Variants in UGGT2 observed in about 807,000 individuals in gnomAD.
The protein encoded by UGGT2 is UDP-glucose:glycoprotein glucosyltransferase 2.
In UGGT2, 180 loss-of-function variants were observed where a neutral mutation model predicts 192.1. The ratio of observed to expected loss-of-function variants is 0.94; its 90% confidence interval spans 0.83 to 1.06. The LOEUF is 1.06. UGGT2 is among the 50% of genes least tolerant of loss of function. UGGT2 has a pLI of 0.00. For synonymous variants in UGGT2, 580 were observed against 591.0 expected, an observed-to-expected ratio of 0.98 and a Z score of 0.27; for missense variants, 1,849 against 1,795.7, an observed-to-expected ratio of 1.03 and a Z score of -0.54.
At chr13:95,855,470 A>G (rs1200147100) in intron 34 of UGGT2, among the ~76,000 whole-genome samples, 1 of 150,746 alleles carries the variant, frequency 6.6e-6, no homozygotes, top group South Asian at 2.1e-4. Context: ...TTGGACATAT[A>G]AATTTTGAAA....
intron 33 of UGGT2, 56 bp from the exon 34 acceptor site, chr13:95,856,396 T>C (rs1161231494): frequency 9.0e-6 from 14 of 1,557,430 alleles, no homozygotes; most frequent in East Asian, 2.3e-5. Context: ...AGTTTTGTTT[T>C]AGAGAAAAAA....
intron 37 of UGGT2, among the ~76,000 whole-genome samples, chr13:95,833,652 A>G (rs1220153965): frequency 6.6e-6 from 1 of 152,216 alleles, no homozygotes; most frequent in Non-Finnish European, 1.5e-5. Context: ...TAGAAGGTTG[A>G]TAAGAGTCTG....
intron 15 of UGGT2, among the ~76,000 whole-genome samples, chr13:95,942,221 GGTGTGTGTGTGTGTGTGTGTGT>G (rs370041064): frequency 1.0e-4 from 12 of 118,084 alleles, no homozygotes; most frequent in Admixed American, 4.8e-4. Flanking sequence ...TTAGGGTGAG[GGTGTGTGTGTGTGTGTGTGTGT>G]GTGTGTGTGT....
rs1331088372 is a variant in UGGT2, at chr13:95,801,730, T to TC, written c.*59dup. 2 of 1,588,928 alleles carry TC rather than the reference T, an allele frequency of 1.3e-6. No individual in the cohort carries two copies. Among genetic ancestry groups the TC allele is most frequent in the African/African-American group, 2.7e-5 (2 of 73,966 alleles). ...ATCGTCTCAGCAGGGGCTCCAGACT[T>TC]CCCCAGCAGGCGGCAGGTTTCCTGT... is the stretch of plus-strand genomic sequence containing the variant. On this transcript the variant is annotated 3_prime_UTR_variant, in exon 39 of 39. Coordinates refer to ENST00000376747, the MANE Select transcript of UGGT2 (RefSeq NM_020121.4).
chr13:95,993,476 T>TA (rs904217712), intron 7 of UGGT2, among the ~76,000 whole-genome samples: 79 of 152,282 alleles, frequency 5.2e-4, no homozygotes, highest in African/African-American at 1.9e-3. Context: ...TTTAATCCCA[T>TA]AAAAAGTTAT....
intron 12 of UGGT2, among the ~76,000 whole-genome samples, chr13:95,951,893 A>C (rs973127966): frequency 2.9e-4 from 44 of 151,950 alleles, no homozygotes; most frequent in Non-Finnish European, 5.9e-5. Context: ...CCCCATCTCT[A>C]CTAAAAATAC....
At position 95,987,240 on chromosome 13, in the gene UGGT2, T is replaced by C. The variant is rs569461221; in HGVS notation, c.932-808A>G. Among the ~76,000 whole-genome samples, 15 of 152,284 alleles carry C rather than the reference T, an allele frequency of 9.9e-5. No homozygotes were observed. In the South Asian group the frequency reaches 2.9e-3, roughly 29 times the overall value. On this transcript the variant is annotated intron_variant, in intron 8 of 38. Transcript: ENST00000376747. The stretch of plus-strand genomic sequence containing the variant: ...GCTTACATGTTTTATATATTCTCTC[T>C]ACTCAGGCTCAAGCTAGAAATCCTA...
At chr13:95,951,704 G>A (rs1659130313) in intron 12 of UGGT2, among the ~76,000 whole-genome samples, 1 of 152,198 alleles carries the variant, frequency 6.6e-6, no homozygotes, top group Admixed American at 6.5e-5. Context: ...ACATGGCCAT[G>A]ACATTTGAGC....
chr13:96,013,349 A>T lies in UGGT2; in HGVS notation c.618T>A (p.Ala206=). 1.2e-6 allele frequency: 2 copies of T among 1,606,344 alleles called. No homozygotes were observed. Among genetic ancestry groups the T allele is most frequent in the African/African-American group, 2.7e-5 (2 of 74,638 alleles). The part of the protein sequence containing the change: ...SAFHKVLSEK[A]QNEEILYVLR... ...GAACATACAGAATTTCCTCATTTTG[A>T]GCTTTTTCAGACAATACTTTGTGAA... The change falls in exon 5 of 39, where the codon GCT becomes GCA. Residue 206 remains alanine (A), a synonymous_variant. Coordinates refer to ENST00000376747, the MANE Select transcript of UGGT2 (RefSeq NM_020121.4).
At chr13:95,867,464 G>T in intron 29 of UGGT2, 41 bp from the exon 30 acceptor site, 1 of 1,498,036 alleles carries the variant, frequency 6.7e-7, no homozygotes, top group South Asian at 1.2e-5. Context: ...TTTAAGAATA[G>T]ACATACAATT....
intron 4 of UGGT2, among the ~76,000 whole-genome samples, chr13:96,020,940 T>G (rs1410932774): frequency 6.6e-6 from 1 of 152,214 alleles, no homozygotes; most frequent in African/African-American, 2.4e-5. Flanking sequence ...TTACTGCTCA[T>G]GACATAGAGC....
intron 15 of UGGT2, among the ~76,000 whole-genome samples, chr13:95,942,119 T>A (rs914285438): frequency 7.8e-6 from 1 of 128,814 alleles, no homozygotes; most frequent in Non-Finnish European, 1.8e-5. Flanking sequence ...GCTACTGATA[T>A]GTATATTTGT....
At chr13:95,931,200 C>G (rs1009035038) in intron 17 of UGGT2, among the ~76,000 whole-genome samples, 1 of 152,152 alleles carries the variant, frequency 6.6e-6, no homozygotes, top group Non-Finnish European at 1.5e-5. Flanking sequence ...ACTAGATGAG[C>G]TAGACACAGC....
At chr13:95,893,352 T>C (rs766023783) in intron 24 of UGGT2, among the ~76,000 whole-genome samples, 2 of 152,134 alleles carry the variant, frequency 1.3e-5, no homozygotes, top group African/African-American at 2.4e-5. Context: ...TATATATACA[T>C]GTATACACAC....
intron 20 of UGGT2, among the ~76,000 whole-genome samples, chr13:95,916,360 G>A (rs1426322502): frequency 1.3e-5 from 2 of 152,074 alleles, no homozygotes; most frequent in African/African-American, 4.8e-5. Flanking sequence ...CAAAATCATC[G>A]TCAACAAAAA....
chr13:95,916,602 C>T (rs144713587), intron 20 of UGGT2, among the ~76,000 whole-genome samples: 43 of 152,230 alleles, frequency 2.8e-4, no homozygotes, highest in African/African-American at 9.6e-4. Flanking sequence ...TAAGGAACTT[C>T]GCTAAGCTAA....
chr13:95,986,261 T>C (rs1302357490), intron 9 of UGGT2, 72 bp downstream of exon 9: 1 of 1,054,674 alleles, frequency 9.5e-7, no homozygotes, highest in African/African-American at 1.6e-5. Context: ...TTAAATGAAA[T>C]CAGCTATTTT....
chr13:95,955,366 T>TA (rs1305452536), intron 12 of UGGT2, among the ~76,000 whole-genome samples: 1 of 151,890 alleles, frequency 6.6e-6, no homozygotes, highest in Non-Finnish European at 1.5e-5. Context: ...GCCAAAAAGG[T>TA]AAAAAATGAA....
At chr13:95,814,296 G>A (rs1042382584) in intron 38 of UGGT2, among the ~76,000 whole-genome samples, 1 of 152,204 alleles carries the variant, frequency 6.6e-6, no homozygotes, top group Non-Finnish European at 1.5e-5. Flanking sequence ...TAGCCTCGGG[G>A]GTTGAACACG....
Sources: gnomAD v4.1 joint callset for allele counts (sites outside exome capture counted in the v4.1 genomes callset) on GRCh38, gnomAD v4.1.1 for gene constraint, MANE v1.5 for transcripts, NCBI Gene and HGNC (gene_info 2026-07-23, HGNC 2026-07-21) for gene names.